The following TTLL9 variants were observed in gnomAD, a reference collection of about 807,000 sequenced individuals.
TTLL9 encodes the protein probable tubulin polyglutamylase TTLL9.
In TTLL9, 47 loss-of-function variants were observed where a neutral mutation model predicts 65.6. The ratio of observed to expected loss-of-function variants is 0.72; its 90% CI spans 0.57 to 0.91. The LOEUF is 0.91. TTLL9 is among the 40% of genes least tolerant of loss of function. TTLL9 has a pLI of 0.00. For missense variants in TTLL9, 537 were observed against 568.8 expected (o/e 0.94, Z 0.57); for synonymous variants, 179 against 204.8 (o/e 0.87, Z 1.07).
At chr20:31,878,500 G>A (rs2063067451) in intron 2 of TTLL9, among the ~76,000 whole-genome samples, 1 of 152,206 alleles carries the variant, frequency 6.6e-6, no homozygotes. Flanking sequence ...TTGAGCAGAG[G>A]TGCTAGTACC....
intron 4 of TTLL9, among the ~76,000 whole-genome samples, chr20:31,905,905 C>T (rs769967588): frequency 1.3e-5 from 2 of 151,924 alleles, no homozygotes; most frequent in African/African-American, 4.8e-5. Context: ...TGGTGGTGCA[C>T]GCCTCTAATC....
In TTLL9 at chr20:31,916,735, C is replaced by T. The variant is rs1176958246; in HGVS notation, c.505-3129C>T. On this transcript the variant is annotated intron_variant, in intron 6 of 14. Coordinates refer to ENST00000535842, the MANE Select transcript of TTLL9 (RefSeq NM_001008409.5). ...CTGCTGCAGTCACAGGCATCATCTC[C>T]GCAGACTGTAGCATTCAAAGAAAGA... Among the ~76,000 whole-genome samples the T allele has an allele frequency of 6.6e-5, 10 of 152,290 alleles. No individual in the cohort carries two copies. In the South Asian group the frequency reaches 1.5e-3, roughly 22 times the overall value.
At chr20:31,908,816 C>T (rs2063599702) in intron 5 of TTLL9, 114 bp downstream of exon 5, 1 of 857,936 alleles carries the variant, frequency 1.2e-6, no homozygotes, top group African/African-American at 1.7e-5. Flanking sequence ...GGATGCAACG[C>T]CGAGTGGGAA....
chr20:31,894,584 G>GC (rs1255266091), intron 3 of TTLL9, among the ~76,000 whole-genome samples: 1 of 151,624 alleles, frequency 6.6e-6, no homozygotes, highest in Non-Finnish European at 1.5e-5. Context: ...CTTTGCTATT[G>GC]CATGTGTTAT....
At chr20:31,897,302 G>A (rs1400784732) in intron 3 of TTLL9, among the ~76,000 whole-genome samples, 1 of 152,216 alleles carries the variant, frequency 6.6e-6, no homozygotes, top group African/African-American at 2.4e-5. Context: ...GCTGTCAAAT[G>A]TAGGTGTGTA....
intron 10 of TTLL9, among the ~76,000 whole-genome samples, chr20:31,932,005 A>T (rs1042471682): frequency 2.0e-5 from 3 of 152,146 alleles, no homozygotes; most frequent in Non-Finnish European, 4.4e-5. Context: ...TATGAATTTC[A>T]TAGTTTTGCC....
At position 31,897,366 on chromosome 20, in the gene TTLL9, C is replaced by T. The variant is rs187565169; in HGVS notation, c.114-1107C>T. On this transcript the variant is annotated intron_variant, in intron 3 of 14. Transcript: ENST00000535842. ...GCTGTGATACCTGCGGGCTCCATAG[C>T]GGTAGCCTCTGTTTCAGTCCTCATA... Among the ~76,000 whole-genome samples the T allele has an allele frequency of 3.0e-3, 460 of 152,268 alleles. 3 individuals carry two copies. The highest frequency in any genetic ancestry group is 9.9e-3 in the African/African-American group (412 of 41,554).
chr20:31,915,655 G>T (rs938514788), intron 6 of TTLL9, among the ~76,000 whole-genome samples: 1 of 152,140 alleles, frequency 6.6e-6, no homozygotes, highest in Non-Finnish European at 1.5e-5. Context: ...TTTGTCACCT[G>T]TTGGCTGGGT....
At chr20:31,901,176 T>C (rs1009549369) in intron 4 of TTLL9, 3 of 152,312 alleles carry the variant, frequency 2.0e-5, no homozygotes, top group African/African-American at 7.2e-5. Flanking sequence ...GAAAGATACA[T>C]GAAGCCTTGG....
intron 6 of TTLL9, among the ~76,000 whole-genome samples, chr20:31,912,783 A>G (rs900072362): frequency 1.3e-5 from 2 of 152,170 alleles, no homozygotes; most frequent in African/African-American, 4.8e-5. Context: ...CTTCTTTTTC[A>G]GGAAAACTCA....
intron 3 of TTLL9, among the ~76,000 whole-genome samples, chr20:31,890,086 T>TTCCCTCCCTC: frequency 7.5e-6 from 1 of 133,118 alleles, no homozygotes; most frequent in African/African-American, 3.0e-5. Context: ...CTTGCTTTCT[T>TTCCCTCCCTC]GCTTTCTTTC....
At chr20:31,891,462 C>G (rs2063306394) in intron 3 of TTLL9, among the ~76,000 whole-genome samples, 1 of 151,050 alleles carries the variant, frequency 6.6e-6, no homozygotes, top group Admixed American at 6.6e-5. Context: ...CATGTTGTCT[C>G]CTCTATTGAC....
At chr20:31,909,952 G>C in intron 6 of TTLL9, 30 bp downstream of exon 6, 1 of 1,327,194 alleles carries the variant, frequency 7.5e-7, no homozygotes, top group South Asian at 1.2e-5. Flanking sequence ...GGCTGGGTGG[G>C]AGGGAATGAG....
chr20:31,912,191 G>T (rs1234595742), intron 6 of TTLL9, among the ~76,000 whole-genome samples: 1 of 152,100 alleles, frequency 6.6e-6, no homozygotes, highest in Non-Finnish European at 1.5e-5. Context: ...TGTTATTTCC[G>T]AGTCCAGGAA....
chr20:31,889,077 A>G (rs901400459), intron 3 of TTLL9, among the ~76,000 whole-genome samples: 2 of 151,974 alleles, frequency 1.3e-5, no homozygotes, highest in Non-Finnish European at 2.9e-5. Flanking sequence ...TATATTTACC[A>G]TAAAATATTT....
intron 2 of TTLL9, among the ~76,000 whole-genome samples, chr20:31,874,645 A>T (rs1266487562): frequency 6.6e-6 from 1 of 151,950 alleles, no homozygotes; most frequent in African/African-American, 2.4e-5. Flanking sequence ...CCTGACCTCA[A>T]GTGATCCACC....
chr20:31,900,800 GGA>G (rs2063467115), intron 4 of TTLL9, among the ~76,000 whole-genome samples: 1 of 152,098 alleles, frequency 6.6e-6, no homozygotes, highest in Admixed American at 6.6e-5. Context: ...GTGGTGTAGG[GGA>G]GAGAGAGCAA....
chr20:31,888,004 C>T (rs1461181430), intron 3 of TTLL9, among the ~76,000 whole-genome samples: 1 of 151,990 alleles, frequency 6.6e-6, no homozygotes, highest in Non-Finnish European at 1.5e-5. Context: ...CCTGCCTCAG[C>T]CTCCCGAGTA....
intron 3 of TTLL9, among the ~76,000 whole-genome samples, chr20:31,895,061 A>G (rs1270983643): frequency 6.6e-6 from 1 of 152,210 alleles, no homozygotes; most frequent in Non-Finnish European, 1.5e-5. Flanking sequence ...CAAATCTCCA[A>G]GTAAAAAGGT....
Sources: allele counts gnomAD v4.1 joint callset (sites outside exome capture counted in the v4.1 genomes callset), GRCh38; gene constraint gnomAD v4.1.1; transcripts MANE v1.5; gene names NCBI Gene and HGNC (gene_info 2026-07-23, HGNC 2026-07-21).